The following WWOX variants were observed in gnomAD, a reference collection of about 807,000 sequenced individuals.
The protein encoded by WWOX is WW domain containing oxidoreductase, also known as WW domain-containing oxidoreductase.
A neutral mutation model predicts 46.2 loss-of-function variants in WWOX; 69 were observed. That is an observed-to-expected ratio of 1.49 (90% CI 1.23 to 1.82). WWOX has a LOEUF of 1.82. Ranked by LOEUF, WWOX falls within the 40% of genes most tolerant of loss-of-function variation. The pLI is 0.00. For missense variants in WWOX, 919 were observed against 542.6 expected (o/e 1.69, Z -6.89); for synonymous variants, 359 against 202.6 (o/e 1.77, Z -6.56).
chr16:78,315,809 G>C (rs1466117000), intron 5 of WWOX, among the ~76,000 whole-genome samples: 2 of 151,642 alleles, frequency 1.3e-5, no homozygotes, highest in African/African-American at 4.9e-5. Context: ...GTAGAAATAT[G>C]ATTCCATTAG....
chr16:78,823,760 C>G (rs1253656619), intron 8 of WWOX, among the ~76,000 whole-genome samples: 5 of 149,478 alleles, frequency 3.3e-5, no homozygotes, highest in Non-Finnish European at 5.9e-5. Context: ...GATTGGCTAC[C>G]CTGAGCTTTC....
intron 5 of WWOX, among the ~76,000 whole-genome samples, chr16:78,373,874 G>T (rs2081754655): frequency 6.6e-6 from 1 of 152,056 alleles, no homozygotes; most frequent in Admixed American, 6.5e-5. Context: ...TGCAAACTCT[G>T]CCTCCTGAGT....
intron 8 of WWOX, among the ~76,000 whole-genome samples, chr16:78,945,604 A>C (rs749997087): frequency 1.8e-4 from 28 of 151,968 alleles, no homozygotes; most frequent in South Asian, 6.2e-4. Context: ...TTGTTGGCTT[A>C]TGTTCGCTGC....
chr16:79,005,482 C>G (rs111828951), intron 8 of WWOX, among the ~76,000 whole-genome samples: 3 of 152,268 alleles, frequency 2.0e-5, no homozygotes, highest in African/African-American at 7.2e-5. Flanking sequence ...ATTTGCAAGT[C>G]GAGGTTTCGG....
At chr16:79,039,328 C>G (rs2047927610) in intron 8 of WWOX, among the ~76,000 whole-genome samples, 2 of 152,110 alleles carry the variant, frequency 1.3e-5, no homozygotes, top group Non-Finnish European at 2.9e-5. Flanking sequence ...GAAGCCAAGT[C>G]ACCTCATCTG....
chr16:78,845,104 G>A (rs2052263647), intron 8 of WWOX, among the ~76,000 whole-genome samples: 1 of 137,536 alleles, frequency 7.3e-6, no homozygotes. Flanking sequence ...TAATAGCCCT[G>A]CATTCATGCA....
At chr16:79,100,677 C>G (rs2049173902) in intron 8 of WWOX, among the ~76,000 whole-genome samples, 1 of 152,042 alleles carries the variant, frequency 6.6e-6, no homozygotes. Flanking sequence ...TCAGTACCTC[C>G]TAGCTAAGCA....
rs72806722 is a variant in WWOX at position 78,905,553 on chromosome 16, T to G, written c.1057-306055T>G. 3.5e-3 allele frequency among the ~76,000 whole-genome samples: 528 copies of G among 152,198 alleles called. 3 individuals are homozygous for G. Among genetic ancestry groups the G allele is most frequent in the Non-Finnish European group, 6.4e-3 (435 of 68,018 alleles). Reference sequence around the variant, plus strand: ...TGTTCCACCACACCTAGTTAATTTTTTATTTTTTGTAGAAATGGGGTCTCA... The same window carrying G: ...TGTTCCACCACACCTAGTTAATTTTGTATTTTTTGTAGAAATGGGGTCTCA... On this transcript the variant is annotated intron_variant, in intron 8 of 8. Coordinates refer to ENST00000566780, the MANE Select transcript of WWOX (RefSeq NM_016373.4).
chr16:78,790,677 A>G (rs539625064), intron 8 of WWOX, among the ~76,000 whole-genome samples: 4 of 152,318 alleles, frequency 2.6e-5, no homozygotes, highest in African/African-American at 9.6e-5. Context: ...ACAAAGGTTC[A>G]GAGAAAATCA....
At chr16:78,491,157 C>T (rs2084776163) in intron 8 of WWOX, among the ~76,000 whole-genome samples, 1 of 152,200 alleles carries the variant, frequency 6.6e-6, no homozygotes, top group Admixed American at 6.5e-5. Flanking sequence ...CTCCATCCTT[C>T]AAAATCCAGC....
At chr16:79,155,884 G>T (rs931531081) in intron 8 of WWOX, among the ~76,000 whole-genome samples, 3 of 149,908 alleles carry the variant, frequency 2.0e-5, no homozygotes, top group African/African-American at 7.6e-5. Flanking sequence ...GAGGGAGGAG[G>T]AATTCCAGTT....
chr16:78,847,407 C>G (rs978778629), intron 8 of WWOX, among the ~76,000 whole-genome samples: 3 of 152,120 alleles, frequency 2.0e-5, no homozygotes, highest in African/African-American at 7.2e-5. Context: ...ATATCAGTAT[C>G]TATTATAAAT....
intron 5 of WWOX, among the ~76,000 whole-genome samples, chr16:78,256,124 T>C (rs1356042555): frequency 1.7e-5 from 2 of 119,936 alleles, no homozygotes; most frequent in Non-Finnish European, 3.2e-5. Flanking sequence ...TACTCCATCC[T>C]GGGCGACAGA....
intron 8 of WWOX, among the ~76,000 whole-genome samples, chr16:78,946,259 C>T (rs1365292596): frequency 2.0e-5 from 3 of 152,116 alleles, no homozygotes; most frequent in South Asian, 2.1e-4. Flanking sequence ...AGTGCAATCT[C>T]GGCTCACTGC....
At chr16:78,520,333 C>T (rs1036006018) in intron 8 of WWOX, among the ~76,000 whole-genome samples, 4 of 152,142 alleles carry the variant, frequency 2.6e-5, no homozygotes, top group African/African-American at 7.2e-5. Flanking sequence ...TAAGGATACG[C>T]ACATTAGAAG....
intron 6 of WWOX, among the ~76,000 whole-genome samples, chr16:78,402,376 G>C (rs7200912): frequency 0.054 from 8,168 of 152,242 alleles, 469 homozygotes; most frequent in East Asian, 0.24. Context: ...TTATCTGGTT[G>C]TCAGTCGGAT....
At chr16:78,446,657 C>CTTTTTTTTTTT (rs5818138) in intron 8 of WWOX, among the ~76,000 whole-genome samples, 1 of 88,118 alleles carries the variant, frequency 1.1e-5, no homozygotes, top group Non-Finnish European at 2.1e-5. Flanking sequence ...CAAGTGTATA[C>CTTTTTTTTTTT]TTTTTTTTTT....
chr16:79,066,815 T>C (rs1323217827), intron 8 of WWOX, among the ~76,000 whole-genome samples: 1 of 152,218 alleles, frequency 6.6e-6, no homozygotes, highest in South Asian at 2.1e-4. Flanking sequence ...CATACAAATG[T>C]GGCTTGTCAC....
intron 8 of WWOX, among the ~76,000 whole-genome samples, chr16:78,503,493 A>T (rs185086652): frequency 6.6e-6 from 1 of 152,310 alleles, no homozygotes; most frequent in Non-Finnish European, 1.5e-5. Flanking sequence ...TTGATAAACT[A>T]AATGCATCTT....
Sources: allele counts gnomAD v4.1 joint callset (sites outside exome capture counted in the v4.1 genomes callset), GRCh38; gene constraint gnomAD v4.1.1; transcripts MANE v1.5; gene names NCBI Gene and HGNC (gene_info 2026-07-23, HGNC 2026-07-21).